LHFPL3: variants seen among roughly 807,000 people sequenced by gnomAD.
LHFPL3 encodes LHFPL tetraspan subfamily member 3.
In LHFPL3, 5 loss-of-function variants were observed where a neutral mutation model predicts 19.3. The observed-to-expected ratio is 0.26, with a 90% CI of 0.14 to 0.54. The LOEUF (loss-of-function observed/expected upper bound fraction) is 0.54. Among genes scored for constraint, LHFPL3 ranks in the 20% least tolerant of loss-of-function variants. The pLI is 0.94. For missense variants in LHFPL3, 249 were observed against 307.4 expected (o/e 0.81, Z 1.42); for synonymous variants, 133 against 126.2 (o/e 1.05, Z -0.36).
chr7:104,626,514 G>T (rs973472446), intron 1 of LHFPL3, among the ~76,000 whole-genome samples: 4 of 152,108 alleles, frequency 2.6e-5, no homozygotes, highest in African/African-American at 9.7e-5. Context: ...GCAGTTTGGG[G>T]TATTTGACAT....
At chr7:104,630,089 A>G (rs748327856) in intron 1 of LHFPL3, among the ~76,000 whole-genome samples, 11 of 152,182 alleles carry the variant, frequency 7.2e-5, no homozygotes, top group Non-Finnish European at 1.5e-4. Context: ...GAAATATAGG[A>G]GAAATAAAAG....
chr7:104,844,741 T>C (rs1257952295), intron 2 of LHFPL3, among the ~76,000 whole-genome samples: 1 of 152,202 alleles, frequency 6.6e-6, no homozygotes, highest in Non-Finnish European at 1.5e-5. Flanking sequence ...TTCTAAGTAT[T>C]TCTTTTCTTT....
chr7:104,841,900 C>A (rs960693798), intron 2 of LHFPL3, among the ~76,000 whole-genome samples: 1 of 152,006 alleles, frequency 6.6e-6, no homozygotes, highest in African/African-American at 2.4e-5. Context: ...TTTCTCCACT[C>A]CTGACACCAG....
intron 1 of LHFPL3, chr7:104,667,805 C>T (rs1218253512): frequency 6.2e-7 from 1 of 1,604,336 alleles, no homozygotes; most frequent in Non-Finnish European, 8.5e-7. Flanking sequence ...CCCTAACAGA[C>T]TTTCTGGCTG....
At chr7:104,628,431 C>T (rs1279421967) in intron 1 of LHFPL3, among the ~76,000 whole-genome samples, 1 of 152,114 alleles carries the variant, frequency 6.6e-6, no homozygotes, top group Non-Finnish European at 1.5e-5. Context: ...TTGTAGAACT[C>T]GCCAAGCAAC....
At chr7:104,754,427 G>C (rs1794243097) in intron 2 of LHFPL3, among the ~76,000 whole-genome samples, 1 of 152,156 alleles carries the variant, frequency 6.6e-6, no homozygotes, top group Non-Finnish European at 1.5e-5. Context: ...TGTGGTATAG[G>C]GGGAAGAGCA....
rs191948222 is a variant in LHFPL3 at position 104,683,455 on chromosome 7, C to T, written c.446-53220C>T. On this transcript the variant is annotated intron_variant, in intron 1 of 2. Transcript: ENST00000424859. The stretch of plus-strand genomic sequence containing the variant: ...AACCACCCCTAACTGAAAAGACATA[C>T]AGTTTCTAATGTTGTTGACTATTCA... 2.6e-4 allele frequency among the ~76,000 whole-genome samples: 40 copies of T among 152,284 alleles called. 1 individual carries two copies. Among genetic ancestry groups the T allele is most frequent in the Non-Finnish European group, 4.3e-4 (29 of 68,010 alleles).
intron 1 of LHFPL3, among the ~76,000 whole-genome samples, chr7:104,590,727 A>G (rs978620258): frequency 5.9e-5 from 9 of 152,132 alleles, no homozygotes; most frequent in Admixed American, 4.6e-4. Flanking sequence ...AAAGTCTCCC[A>G]TTATTATTGT....
At chr7:104,667,957 G>T (rs921633777) in intron 1 of LHFPL3, 9 of 1,613,236 alleles carry the variant, frequency 5.6e-6, no homozygotes, top group East Asian at 2.2e-5. Flanking sequence ...CCAATTGACC[G>T]TTCCATCCTT....
At chr7:104,872,470 C>A (rs1041978288) in intron 2 of LHFPL3, among the ~76,000 whole-genome samples, 1 of 152,006 alleles carries the variant, frequency 6.6e-6, no homozygotes, top group African/African-American at 2.4e-5. Context: ...CATGGTGAAA[C>A]CCTGTCTCTA....
At chr7:104,546,034 A>T (rs777026645) in intron 1 of LHFPL3, among the ~76,000 whole-genome samples, 2 of 152,200 alleles carry the variant, frequency 1.3e-5, no homozygotes, top group Non-Finnish European at 2.9e-5. Flanking sequence ...TACAAATAAT[A>T]GTTGCCAAAA....
chr7:104,722,253 C>A (rs538063611), intron 1 of LHFPL3, among the ~76,000 whole-genome samples: 2 of 152,144 alleles, frequency 1.3e-5, no homozygotes, highest in East Asian at 1.9e-4. Context: ...TGATACCGCA[C>A]AATGTGTGGA....
At chr7:104,871,610 T>G (rs1791839268) in intron 2 of LHFPL3, among the ~76,000 whole-genome samples, 2 of 152,210 alleles carry the variant, frequency 1.3e-5, no homozygotes, top group African/African-American at 4.8e-5. Flanking sequence ...TCTGACTCTT[T>G]TAGAATAACA....
chr7:104,562,357 T>C (rs1790023254), intron 1 of LHFPL3, among the ~76,000 whole-genome samples: 1 of 152,232 alleles, frequency 6.6e-6, no homozygotes, highest in Admixed American at 6.5e-5. Context: ...CATAGTCCCA[T>C]AGTTCTTGGA....
intron 2 of LHFPL3, among the ~76,000 whole-genome samples, chr7:104,762,149 G>C (rs1298166384): frequency 3.3e-5 from 5 of 152,142 alleles, no homozygotes; most frequent in Non-Finnish European, 7.3e-5. Flanking sequence ...ACACTACCTG[G>C]CATGAGAGGG....
intron 1 of LHFPL3, among the ~76,000 whole-genome samples, chr7:104,457,367 G>A (rs538835004): frequency 6.6e-6 from 1 of 151,768 alleles, no homozygotes; most frequent in East Asian, 1.9e-4. Context: ...AGAAAATACG[G>A]TGTTTGCTTT....
chr7:104,788,499 G>T (rs1789965189), intron 2 of LHFPL3, among the ~76,000 whole-genome samples: 2 of 152,174 alleles, frequency 1.3e-5, no homozygotes, highest in Admixed American at 1.3e-4. Context: ...CCCTCACACT[G>T]TTGGAAAAGT....
chr7:104,578,712 C>G (rs577289481), intron 1 of LHFPL3, among the ~76,000 whole-genome samples: 142 of 152,198 alleles, frequency 9.3e-4, no homozygotes, highest in African/African-American at 3.3e-3. Context: ...CCCCCTACCC[C>G]CAACCAGTAA....
chr7:104,542,000 G>A (rs1351314312), intron 1 of LHFPL3, among the ~76,000 whole-genome samples: 1 of 151,892 alleles, frequency 6.6e-6, no homozygotes, highest in Non-Finnish European at 1.5e-5. Flanking sequence ...TGCTGTGAGA[G>A]CCAGGAGAGG....
Sources: allele counts gnomAD v4.1 joint callset (sites outside exome capture counted in the v4.1 genomes callset), GRCh38; gene constraint gnomAD v4.1.1; transcripts MANE v1.5; gene names NCBI Gene and HGNC (gene_info 2026-07-23, HGNC 2026-07-21).